The following TMEM232 variants were observed in gnomAD, a reference collection of about 807,000 sequenced individuals.
TMEM232 encodes transmembrane protein 232.
Under a neutral mutation model 78.8 loss-of-function variants are expected in TMEM232, and 80 were observed. The observed-to-expected ratio is 1.01, with a 90% CI of 0.85 to 1.22. TMEM232 has a LOEUF of 1.22. Among genes scored for constraint, TMEM232 ranks in the 50% most tolerant of loss-of-function variants. The pLI is 0.00. For synonymous variants in TMEM232, 297 were observed against 254.3 expected (o/e 1.17, Z -1.60); for missense variants, 881 against 742.2 (o/e 1.19, Z -2.17).
At chr5:110,666,836 C>T (rs1184704613) in intron 2 of TMEM232, 1 of 160,838 alleles carries the variant, frequency 6.2e-6, no homozygotes, top group Non-Finnish European at 1.3e-5. Context: ...CTCTTGCACT[C>T]ATTGTAGAAA....
chr5:110,508,534 C>T (rs1228613857), intron 12 of TMEM232, among the ~76,000 whole-genome samples: 1 of 151,216 alleles, frequency 6.6e-6, no homozygotes, highest in Non-Finnish European at 1.5e-5. Flanking sequence ...CTGACTAGTA[C>T]CTTCCTCATG....
At chr5:110,723,523 C>G (rs1162117055) in intron 1 of TMEM232, among the ~76,000 whole-genome samples, 1 of 152,086 alleles carries the variant, frequency 6.6e-6, no homozygotes, top group Non-Finnish European at 1.5e-5. Context: ...TTAAATTAGA[C>G]TCTAAATGAG....
intron 11 of TMEM232, among the ~76,000 whole-genome samples, chr5:110,566,226 C>T (rs548714103): frequency 1.1e-3 from 168 of 151,800 alleles, no homozygotes; most frequent in African/African-American, 3.9e-3. Context: ...TTATTTTTTA[C>T]AAACATTTAA....
chr5:110,553,365 T>G (rs960809736), intron 11 of TMEM232, among the ~76,000 whole-genome samples: 1 of 152,208 alleles, frequency 6.6e-6, no homozygotes, highest in African/African-American at 2.4e-5. Flanking sequence ...TCCATGAGTG[T>G]GAAATGCTTT....
At chr5:110,686,620 T>A (rs1269072705) in intron 1 of TMEM232, among the ~76,000 whole-genome samples, 1 of 152,086 alleles carries the variant, frequency 6.6e-6, no homozygotes, top group Non-Finnish European at 1.5e-5. Context: ...GAACCCTTAT[T>A]GAGTTGTATG....
At chr5:110,565,982 T>C (rs967902417) in intron 11 of TMEM232, among the ~76,000 whole-genome samples, 2 of 151,906 alleles carry the variant, frequency 1.3e-5, no homozygotes, top group Admixed American at 6.6e-5. Flanking sequence ...CAGTTGTAAA[T>C]TGATCCTTTT....
At chr5:110,593,930 T>C (rs1437363784) in intron 10 of TMEM232, among the ~76,000 whole-genome samples, 1 of 152,096 alleles carries the variant, frequency 6.6e-6, no homozygotes, top group Non-Finnish European at 1.5e-5. Context: ...CCCACATACC[T>C]GATAAATATA....
intron 2 of TMEM232, among the ~76,000 whole-genome samples, chr5:110,665,945 C>T (rs1212973964): frequency 6.6e-6 from 1 of 151,542 alleles, no homozygotes; most frequent in Non-Finnish European, 1.5e-5. Flanking sequence ...GGCATGTGCC[C>T]GTGGTGCCAG....
At chr5:110,682,988 G>A (rs533452516) in intron 1 of TMEM232, among the ~76,000 whole-genome samples, 1 of 152,228 alleles carries the variant, frequency 6.6e-6, no homozygotes, top group Non-Finnish European at 1.5e-5. Context: ...AACAGACTAT[G>A]TCTGTTTCAT....
Position 110,521,430 on chromosome 5 carries a change from T to G in TMEM232, c.1703+7158A>C, listed in dbSNP as rs1429440038. Among the ~76,000 whole-genome samples the G allele has an allele frequency of 2.0e-5, 3 of 152,216 alleles. 1 individual carries two copies. Among genetic ancestry groups the G allele is most frequent in the African/African-American group, 7.2e-5 (3 of 41,454 alleles). ...TCTGTAGGATGACTTTTAACTTTGT[T>G]GATTGTTTATTTTGCTTTGCATTAG... On this transcript the variant is annotated intron_variant, in intron 12 of 13. Coordinates refer to ENST00000455884, the MANE Select transcript of TMEM232 (RefSeq NM_001039763.4).
rs34518185 is a variant in TMEM232 at position 110,663,745 on chromosome 5, ATGTGTG to A, written c.125+3477_125+3482del. Among the ~76,000 whole-genome samples, 25 of 134,176 alleles carry A rather than the reference ATGTGTG, an allele frequency of 1.9e-4. 2 individuals are homozygous for A. The highest frequency in any genetic ancestry group is 1.3e-3 in the East Asian group (6 of 4,602). The allele number at this position is 134,176 out of a possible 152,430, so 88.0% of individuals were successfully genotyped here. A position where few individuals can be genotyped will look rare whatever the true frequency, so the allele number is the denominator to read the frequency against. ...GGGAAGGAAATGTGTGTGTGTGTGTATGTGTGTGTGTGTGTGTGTGTGTGTGTGTAT... is the reference window on the plus strand; with the variant it reads ...GGGAAGGAAATGTGTGTGTGTGTGTATGTGTGTGTGTGTGTGTGTGTGTAT... On this transcript the variant is annotated intron_variant, in intron 2 of 13. Transcript: ENST00000455884.
intron 12 of TMEM232, among the ~76,000 whole-genome samples, chr5:110,525,656 A>C (rs1770470340): frequency 6.6e-6 from 1 of 151,866 alleles, no homozygotes; most frequent in Admixed American, 6.6e-5. Flanking sequence ...TAAATTTACA[A>C]CTAGATTGTT....
At chr5:110,504,360 G>C (rs947767269) in intron 12 of TMEM232, among the ~76,000 whole-genome samples, 7 of 152,174 alleles carry the variant, frequency 4.6e-5, no homozygotes, top group Non-Finnish European at 8.8e-5. Context: ...GAGAGATGCT[G>C]ATACGGGAAT....
At chr5:110,460,689 A>G (rs1233082565) in intron 12 of TMEM232, among the ~76,000 whole-genome samples, 1 of 150,706 alleles carries the variant, frequency 6.6e-6, no homozygotes, top group Non-Finnish European at 1.5e-5. Context: ...TTTTTTACAA[A>G]TTAAAGTTTT....
At chr5:110,641,308 T>A (rs553687923) in intron 3 of TMEM232, among the ~76,000 whole-genome samples, 4 of 152,246 alleles carry the variant, frequency 2.6e-5, no homozygotes, top group East Asian at 1.9e-4. Flanking sequence ...GCATTTTTTT[T>A]ATTGTATAAG....
intron 11 of TMEM232, among the ~76,000 whole-genome samples, chr5:110,529,578 A>C (rs113136291): frequency 1.3e-5 from 2 of 152,158 alleles, no homozygotes; most frequent in African/African-American, 4.8e-5. Flanking sequence ...CAAAAATTTT[A>C]AGTGAAAAGC....
At chr5:110,504,733 G>A (rs970767138) in intron 12 of TMEM232, among the ~76,000 whole-genome samples, 1 of 152,162 alleles carries the variant, frequency 6.6e-6, no homozygotes, top group African/African-American at 2.4e-5. Flanking sequence ...GTTCTATTCA[G>A]ACCTTCAACT....
intron 1 of TMEM232, among the ~76,000 whole-genome samples, chr5:110,726,324 T>C (rs560433327): frequency 1.3e-5 from 2 of 152,194 alleles, no homozygotes; most frequent in East Asian, 1.9e-4. Context: ...TGAATTTCCC[T>C]ATTCATAGCA....
chr5:110,528,024 G>T (rs1043256780), intron 12 of TMEM232, among the ~76,000 whole-genome samples: 6 of 151,862 alleles, frequency 4.0e-5, no homozygotes, highest in African/African-American at 1.2e-4. Context: ...TGTTAAAATG[G>T]TAACAGGGAG....
Sources: gnomAD v4.1 joint callset for allele counts (sites outside exome capture counted in the v4.1 genomes callset) on GRCh38, gnomAD v4.1.1 for gene constraint, MANE v1.5 for transcripts, NCBI Gene and HGNC (gene_info 2026-07-23, HGNC 2026-07-21) for gene names.